PGBD5: variants seen among roughly 807,000 people sequenced by gnomAD.
The protein encoded by PGBD5 is piggyBac transposable element derived 5, also known as piggyBac transposable element-derived protein 5.
Under a neutral mutation model 47.9 loss-of-function variants are expected in PGBD5, and 14 were observed. That is an observed-to-expected ratio of 0.29 (90% CI 0.19 to 0.46). The LOEUF (loss-of-function observed/expected upper bound fraction) is 0.46. Among genes scored for constraint, PGBD5 ranks in the 20% least tolerant of loss-of-function variants. PGBD5 has a pLI of 1.00. For missense variants in PGBD5, 635 were observed against 716.0 expected (o/e 0.89, Z 1.29); for synonymous variants, 316 against 306.3 (o/e 1.03, Z -0.33).
At chr1:230,416,831 T>G (rs2102753491) in intron 1 of PGBD5, among the ~76,000 whole-genome samples, 1 of 152,286 alleles carries the variant, frequency 6.6e-6, no homozygotes, top group East Asian at 1.9e-4. Context: ...TGAACTTGTG[T>G]TTGTAAAACA....
chr1:230,371,934 G>A (rs1244308657), intron 1 of PGBD5, among the ~76,000 whole-genome samples: 4 of 152,296 alleles, frequency 2.6e-5, no homozygotes, highest in East Asian at 1.9e-4. Context: ...AGCTACCTAA[G>A]CCCAGAGGAT....
intron 1 of PGBD5, among the ~76,000 whole-genome samples, chr1:230,407,922 G>A (rs896334718): frequency 3.0e-4 from 46 of 152,312 alleles, no homozygotes; most frequent in African/African-American, 1.0e-3. Context: ...TTGTGTCCAT[G>A]AAACTGCATC....
rs1163686095 is a variant in PGBD5, at chr1:230,337,106, A to G, written c.1075+2T>C. On this transcript the variant is annotated splice_donor_variant, in intron 4 of 6. Coordinates refer to ENST00000391860, the MANE Select transcript of PGBD5 (RefSeq NM_001258311.2). LOFTEE classifies it high-confidence loss of function. ...TCCTCACTGGCTCCCCACTTGACTA[A>G]CCTTGCTTCTCAAACTCTTCAAACA... is the stretch of plus-strand genomic sequence containing the variant. The G allele has an allele frequency of 6.2e-7, 1 of 1,612,962 alleles. No individual in the cohort carries two copies. Among genetic ancestry groups the G allele is most frequent in the Non-Finnish European group, 8.5e-7 (1 of 1,179,326 alleles).
At chr1:230,354,191 T>C (rs1667601126) in intron 2 of PGBD5, among the ~76,000 whole-genome samples, 2 of 151,226 alleles carry the variant, frequency 1.3e-5, no homozygotes, top group South Asian at 4.2e-4. Context: ...CTCCTTTGAC[T>C]TACCTTGCTC....
chr1:230,367,601 G>A (rs1667856636), intron 1 of PGBD5, among the ~76,000 whole-genome samples: 1 of 152,174 alleles, frequency 6.6e-6, no homozygotes, highest in African/African-American at 2.4e-5. Flanking sequence ...GAGAGGCTGA[G>A]GTGGGAGGAC....
rs1258748216 is a variant in PGBD5 at position 230,420,304 on chromosome 1, A to C, written c.331+5294T>G. Among the ~76,000 whole-genome samples the C allele has an allele frequency of 6.6e-5, 10 of 152,362 alleles. No individual in the cohort carries two copies. In the East Asian group the frequency reaches 1.7e-3, roughly 26 times the overall value. ...TAAAATTTAAATGGAAAATGTTCATAATATATTAATAACAATTAAAAATCA... is the reference window on the plus strand; with the variant it reads ...TAAAATTTAAATGGAAAATGTTCATCATATATTAATAACAATTAAAAATCA... On this transcript the variant is annotated intron_variant, in intron 1 of 6. Transcript: ENST00000391860.
chr1:230,329,476 G>T (rs975479027), intron 5 of PGBD5, among the ~76,000 whole-genome samples: 1 of 152,214 alleles, frequency 6.6e-6, no homozygotes, highest in Non-Finnish European at 1.5e-5. Flanking sequence ...CTGAGAAGTA[G>T]TCTCTAGAAT....
At chr1:230,411,302 G>A (rs964658445) in intron 1 of PGBD5, among the ~76,000 whole-genome samples, 1 of 152,154 alleles carries the variant, frequency 6.6e-6, no homozygotes, top group African/African-American at 2.4e-5. Flanking sequence ...GGCGGAGAGG[G>A]GAAGTGAGGG....
intron 3 of PGBD5, among the ~76,000 whole-genome samples, chr1:230,345,291 G>A (rs1667459533): frequency 1.3e-5 from 2 of 152,172 alleles, no homozygotes. Context: ...CCCACATAGA[G>A]GGCACAGGCT....
chr1:230,422,265 T>A (rs1435921885), intron 1 of PGBD5, among the ~76,000 whole-genome samples: 1 of 151,896 alleles, frequency 6.6e-6, no homozygotes, highest in African/African-American at 2.4e-5. Context: ...ATCTGTCTGT[T>A]CCTCTGCCTC....
In PGBD5 at chr1:230,333,054, G is replaced by C. The variant is rs1667247974; in HGVS notation, c.1076-13C>G. On this transcript the variant is annotated splice_polypyrimidine_tract_variant and intron_variant, in intron 4 of 6. Coordinates refer to ENST00000391860, the MANE Select transcript of PGBD5 (RefSeq NM_001258311.2). ...CAGCAGTAAATCCCTGAGGGGAGAGGGAGGAAGGATCGCACACTCACCACC... is the reference window on the plus strand; with the variant it reads ...CAGCAGTAAATCCCTGAGGGGAGAGCGAGGAAGGATCGCACACTCACCACC... 1.3e-6 allele frequency: 2 copies of C among 1,579,580 alleles called. No individual in the cohort carries two copies. The highest frequency in any genetic ancestry group is 1.7e-6 in the Non-Finnish European group (2 of 1,163,290).
intron 3 of PGBD5, among the ~76,000 whole-genome samples, chr1:230,341,409 G>A (rs1667406159): frequency 6.6e-6 from 1 of 152,172 alleles, no homozygotes; most frequent in Non-Finnish European, 1.5e-5. Flanking sequence ...GCAACCTCCA[G>A]TGAAGTCTTA....
chr1:230,375,340 C>T (rs561537572), intron 1 of PGBD5, among the ~76,000 whole-genome samples: 1 of 152,194 alleles, frequency 6.6e-6, no homozygotes, highest in Non-Finnish European at 1.5e-5. Flanking sequence ...GTTGGCAAAA[C>T]ACAAGCAAGG....
intron 1 of PGBD5, among the ~76,000 whole-genome samples, chr1:230,358,183 C>T (rs1667686685): frequency 1.3e-5 from 2 of 152,148 alleles, no homozygotes; most frequent in Middle Eastern, 3.2e-3. Flanking sequence ...AGGGCTCCTC[C>T]CTCCCCTGCA....
At chr1:230,410,916 A>G (rs972477005) in intron 1 of PGBD5, among the ~76,000 whole-genome samples, 3 of 152,184 alleles carry the variant, frequency 2.0e-5, no homozygotes, top group African/African-American at 7.2e-5. Flanking sequence ...CCAATTAAGC[A>G]TAAGATAAAG....
intron 1 of PGBD5, among the ~76,000 whole-genome samples, chr1:230,404,308 A>C (rs544230064): frequency 6.6e-6 from 1 of 152,176 alleles, no homozygotes; most frequent in African/African-American, 2.4e-5. Context: ...GGGAGACCCC[A>C]TCTCTACAAA....
At chr1:230,372,538 C>A (rs998513591) in intron 1 of PGBD5, among the ~76,000 whole-genome samples, 2 of 152,286 alleles carry the variant, frequency 1.3e-5, no homozygotes, top group Non-Finnish European at 2.9e-5. Context: ...GAGAGCACCT[C>A]CACGTAAATG....
intron 2 of PGBD5, among the ~76,000 whole-genome samples, chr1:230,356,591 C>T (rs777262340): frequency 6.6e-6 from 1 of 152,196 alleles, no homozygotes; most frequent in Non-Finnish European, 1.5e-5. Flanking sequence ...CTGAGCAAAA[C>T]ACCATTTGGA....
intron 2 of PGBD5, among the ~76,000 whole-genome samples, chr1:230,355,120 G>T (rs1667615893): frequency 6.6e-6 from 1 of 152,092 alleles, no homozygotes; most frequent in South Asian, 2.1e-4. Flanking sequence ...CCCTGTTCCT[G>T]GTACCCCGGT....
Sources: allele counts gnomAD v4.1 joint callset (sites outside exome capture counted in the v4.1 genomes callset), GRCh38; gene constraint gnomAD v4.1.1; transcripts MANE v1.5; gene names NCBI Gene and HGNC (gene_info 2026-07-23, HGNC 2026-07-21).